Variants in CTNND2 observed in about 807,000 individuals in gnomAD.
The protein encoded by CTNND2 is catenin delta 2, also known as catenin delta-2.
Under a neutral mutation model 144.4 loss-of-function variants are expected in CTNND2, and 22 were observed. That is an observed-to-expected ratio of 0.15 (90% CI 0.11 to 0.22). CTNND2 has a LOEUF of 0.22. CTNND2 is among the 10% of genes least tolerant of loss of function. The pLI, the probability that CTNND2 is intolerant of heterozygous loss-of-function variation, is 1.00. For synonymous variants in CTNND2, 751 were observed against 695.6 expected, an observed-to-expected ratio of 1.08 and a Z score of -1.25; for missense variants, 1,353 against 1,618.8, an observed-to-expected ratio of 0.84 and a Z score of 2.82.
At chr5:11,820,381 G>A (rs942051214) in intron 1 of CTNND2, among the ~76,000 whole-genome samples, 9 of 152,088 alleles carry the variant, frequency 5.9e-5, no homozygotes, top group Admixed American at 6.6e-5. Flanking sequence ...GAATGGTGCC[G>A]GGGAACACGA....
chr5:11,412,009 G>A (rs766150180), intron 4 of CTNND2, 26 bp downstream of exon 4: 4 of 1,582,146 alleles, frequency 2.5e-6, no homozygotes, highest in Non-Finnish European at 2.6e-6. Context: ...AGAAGTGTAA[G>A]TGTTCATCAA....
chr5:11,400,735 T>C (rs773087431), intron 5 of CTNND2, among the ~76,000 whole-genome samples: 12 of 152,210 alleles, frequency 7.9e-5, no homozygotes, highest in Non-Finnish European at 1.2e-4. Flanking sequence ...CATGTATGAA[T>C]TGGTTAGAGA....
chr5:11,011,046 T>G (rs1741021758), intron 18 of CTNND2, among the ~76,000 whole-genome samples: 1 of 152,264 alleles, frequency 6.6e-6, no homozygotes, highest in South Asian at 2.1e-4. Context: ...ACATTGTGTG[T>G]GGGGTGGAGT....
chr5:11,249,313 T>A (rs373468), intron 9 of CTNND2, among the ~76,000 whole-genome samples: 6,591 of 152,216 alleles, frequency 0.043, 263 homozygotes, highest in African/African-American at 0.1. Context: ...GGCTTATTGC[T>A]CGTAATAAGA....
Position 11,903,334 on chromosome 5 carries a change from A to C in CTNND2, c.37+483T>G. The C allele has an allele frequency of 3.0e-6, 3 of 986,654 alleles. No individual in the cohort carries two copies. The highest frequency in any genetic ancestry group is 2.4e-6 in the Non-Finnish European group (2 of 830,870). The allele number at this position is 986,654 out of a possible 1,614,324, so 61.1% of individuals were successfully genotyped here. On this transcript the variant is annotated intron_variant, in intron 1 of 21. Coordinates refer to ENST00000304623, the MANE Select transcript of CTNND2 (RefSeq NM_001332.4). This position sits in a 1 kb window ranked among gnomAD's most constrained non-coding sequence, Gnocchi z 5.4. ...GCCGCGGGAGCCTGAAGACACGGCC[A>C]TGGACGCATATGACTAAGTCTTTCC...
intron 16 of CTNND2, among the ~76,000 whole-genome samples, chr5:11,029,124 G>A (rs1349891281): frequency 6.6e-6 from 1 of 152,186 alleles, no homozygotes; most frequent in Non-Finnish European, 1.5e-5. Context: ...GAGAATAATG[G>A]TGTGAACACG....
intron 3 of CTNND2, among the ~76,000 whole-genome samples, chr5:11,465,827 T>C (rs529651909): frequency 6.6e-6 from 1 of 152,288 alleles, no homozygotes; most frequent in East Asian, 1.9e-4. Flanking sequence ...ATTGAGGGTG[T>C]TGCAGTAATT....
intron 2 of CTNND2, among the ~76,000 whole-genome samples, chr5:11,646,956 CACA>C (rs2126523802): frequency 6.6e-6 from 1 of 152,338 alleles, no homozygotes; most frequent in Non-Finnish European, 1.5e-5. Flanking sequence ...AAAACAGCCA[CACA>C]TTCTCATTGG....
At chr5:11,847,749 A>G (rs1056518917) in intron 1 of CTNND2, among the ~76,000 whole-genome samples, 3 of 152,176 alleles carry the variant, frequency 2.0e-5, no homozygotes, top group African/African-American at 7.2e-5. Context: ...ATGAATATGT[A>G]TAATTACATG....
chr5:11,900,823 T>C (rs1255477499), intron 1 of CTNND2, among the ~76,000 whole-genome samples: 2 of 152,190 alleles, frequency 1.3e-5, no homozygotes, highest in African/African-American at 4.8e-5. Context: ...TGACTAGCAG[T>C]CCATGCTTAG....
intron 2 of CTNND2, among the ~76,000 whole-genome samples, chr5:11,643,746 A>C (rs973641007): frequency 6.6e-6 from 1 of 152,114 alleles, no homozygotes; most frequent in African/African-American, 2.4e-5. Flanking sequence ...AAAAATAATT[A>C]TAATGTTTTT....
At chr5:11,589,974 G>A (rs1453372360) in intron 2 of CTNND2, among the ~76,000 whole-genome samples, 1 of 151,986 alleles carries the variant, frequency 6.6e-6, no homozygotes, top group Non-Finnish European at 1.5e-5. Context: ...GTCTTCATTT[G>A]AAAAGGGCTG....
chr5:11,862,207 T>C (rs906309635), intron 1 of CTNND2, among the ~76,000 whole-genome samples: 2 of 152,240 alleles, frequency 1.3e-5, no homozygotes, highest in Non-Finnish European at 2.9e-5. Context: ...TTCTCAAAGA[T>C]TGTCCTGTTT....
At chr5:11,852,919 C>G (rs1795085326) in intron 1 of CTNND2, among the ~76,000 whole-genome samples, 1 of 152,210 alleles carries the variant, frequency 6.6e-6, no homozygotes, top group Non-Finnish European at 1.5e-5. Flanking sequence ...CACTCTTTCT[C>G]TCTCCTTTGA....
chr5:11,341,760 C>T (rs1251883548), intron 9 of CTNND2, among the ~76,000 whole-genome samples: 1 of 152,158 alleles, frequency 6.6e-6, no homozygotes. Flanking sequence ...GCAACTCCAA[C>T]CCTATGGGAG....
intron 13 of CTNND2, among the ~76,000 whole-genome samples, chr5:11,113,995 C>T (rs1561324586): frequency 3.3e-5 from 5 of 152,100 alleles, no homozygotes. Context: ...TCATGGGCTG[C>T]TAATCCCACA....
chr5:11,249,889 C>T (rs1743386311), intron 9 of CTNND2, among the ~76,000 whole-genome samples: 1 of 151,028 alleles, frequency 6.6e-6, no homozygotes, highest in Non-Finnish European at 1.5e-5. Flanking sequence ...ATGTGTATTG[C>T]TTCACTTTGT....
intron 2 of CTNND2, among the ~76,000 whole-genome samples, chr5:11,722,326 G>A (rs774318608): frequency 3.9e-5 from 6 of 152,106 alleles, no homozygotes; most frequent in East Asian, 1.9e-4. Context: ...TCTATTTCCC[G>A]TAAACTGAAG....
chr5:11,282,939 C>G (rs746402624), intron 9 of CTNND2, among the ~76,000 whole-genome samples: 2 of 152,130 alleles, frequency 1.3e-5, no homozygotes, highest in Non-Finnish European at 1.5e-5. Flanking sequence ...AAACTTGCCT[C>G]GTTCTAGCAC....
Sources: gnomAD v4.1 joint callset for allele counts (sites outside exome capture counted in the v4.1 genomes callset) on GRCh38, gnomAD v4.1.1 for gene constraint, Gnocchi (gnomAD v3.1) non-coding constraint, MANE v1.5 for transcripts, NCBI Gene and HGNC (gene_info 2026-07-23, HGNC 2026-07-21) for gene names.